The following ACBD3 variants were observed in gnomAD, a reference collection of about 807,000 sequenced individuals.
ACBD3 encodes Golgi resident protein GCP60.
In ACBD3, 30 loss-of-function variants were observed where a neutral mutation model predicts 66.9. The ratio of observed to expected loss-of-function variants is 0.45; its 90% CI spans 0.34 to 0.61. The LOEUF (loss-of-function observed/expected upper bound fraction) is 0.61. Among genes scored for constraint, ACBD3 ranks in the 20% least tolerant of loss-of-function variants. The pLI is 0.02. For missense variants in ACBD3, 544 were observed against 664.5 expected (o/e 0.82, Z 1.99); for synonymous variants, 278 against 259.8 (o/e 1.07, Z -0.68).
chr1:226,184,291 T>C (rs1422963635), intron 1 of ACBD3, among the ~76,000 whole-genome samples: 1 of 152,226 alleles, frequency 6.6e-6, no homozygotes, highest in Non-Finnish European at 1.5e-5. Context: ...TCAGTTAGTG[T>C]CTCATATACT....
chr1:226,165,327 C>A (rs941083806), intron 2 of ACBD3, among the ~76,000 whole-genome samples: 4 of 152,062 alleles, frequency 2.6e-5, no homozygotes, highest in Non-Finnish European at 4.4e-5. Flanking sequence ...TGTGCCACTA[C>A]CGCCGGCTAA....
chr1:226,162,592 C>T lies in ACBD3; in HGVS notation c.570-903G>A, dbSNP rs1001725266. ...TATTGTGCTAGGAATGGACATCTTC[C>T]GGGTCTGAGAGTGGTATGGTGTTCA... is the stretch of plus-strand genomic sequence containing the variant. On this transcript the variant is annotated intron_variant, in intron 3 of 7. Coordinates refer to ENST00000366812, the MANE Select transcript of ACBD3 (RefSeq NM_022735.4). Among the ~76,000 whole-genome samples, 20 of 152,188 alleles carry T rather than the reference C, an allele frequency of 1.3e-4. No individual in the cohort carries two copies. The East Asian group carries it at 2.9e-3, about 22-fold the overall frequency.
At chr1:226,155,719 GA>G (rs1188861204) in intron 5 of ACBD3, among the ~76,000 whole-genome samples, 1 of 152,070 alleles carries the variant, frequency 6.6e-6, no homozygotes, top group African/African-American at 2.4e-5. Flanking sequence ...AAACTTCAGG[GA>G]AAAATTATGA....
At chr1:226,158,378 G>A (rs991282159) in intron 5 of ACBD3, among the ~76,000 whole-genome samples, 1 of 152,164 alleles carries the variant, frequency 6.6e-6, no homozygotes, top group Admixed American at 6.5e-5. Flanking sequence ...GCCTGCACAA[G>A]ATGTAAAAAA....
intron 1 of ACBD3, among the ~76,000 whole-genome samples, chr1:226,179,152 C>G (rs1558131900): frequency 6.6e-6 from 1 of 152,174 alleles, no homozygotes; most frequent in East Asian, 1.9e-4. Context: ...CTTTTGAAAT[C>G]TGTTTTGTTA....
At chr1:226,166,584 T>TA (rs1365980287) in intron 1 of ACBD3, among the ~76,000 whole-genome samples, 1 of 150,622 alleles carries the variant, frequency 6.6e-6, no homozygotes, top group Non-Finnish European at 1.5e-5. Context: ...CTGCTGAGCT[T>TA]AAGTGATCCT....
At chr1:226,185,647 A>C (rs1371730414) in intron 1 of ACBD3, among the ~76,000 whole-genome samples, 1 of 152,016 alleles carries the variant, frequency 6.6e-6, no homozygotes, top group Non-Finnish European at 1.5e-5. Flanking sequence ...GCACACTACA[A>C]TCTTGCTCTA....
At chr1:226,177,064 C>A (rs1357171897) in intron 1 of ACBD3, among the ~76,000 whole-genome samples, 1 of 151,786 alleles carries the variant, frequency 6.6e-6, no homozygotes, top group African/African-American at 2.4e-5. Flanking sequence ...GAAACACCCA[C>A]AATATTCCTG....
At chr1:226,177,955 G>A (rs994724747) in intron 1 of ACBD3, among the ~76,000 whole-genome samples, 14 of 150,984 alleles carry the variant, frequency 9.3e-5, no homozygotes, top group Middle Eastern at 3.2e-3. Context: ...CCCATATTGC[G>A]CAGGCTGGTC....
In ACBD3 at chr1:226,176,359, G is replaced by A. The variant is rs1193346225; in HGVS notation, c.286+10031C>T. On this transcript the variant is annotated intron_variant, in intron 1 of 7. Transcript: ENST00000366812. ...AGAACTGCTTGAACCGGGACTGGGA[G>A]GCAGAGGTTGCAGTGACTCAAGATC... 2.7e-5 allele frequency among the ~76,000 whole-genome samples: 4 copies of A among 149,752 alleles called. No homozygotes were observed. In the Admixed American group the frequency reaches 2.7e-4, roughly 10 times the overall value.
At chr1:226,185,880 G>T (rs1211639445) in intron 1 of ACBD3, among the ~76,000 whole-genome samples, 3 of 152,132 alleles carry the variant, frequency 2.0e-5, no homozygotes, top group African/African-American at 7.2e-5. Context: ...TCTGCCGGGG[G>T]ATCAAGTCCT....
At chr1:226,148,756 CA>C (rs1659505708) in intron 7 of ACBD3, among the ~76,000 whole-genome samples, 1 of 152,070 alleles carries the variant, frequency 6.6e-6, no homozygotes, top group South Asian at 2.1e-4. Context: ...AACCAAAACC[CA>C]AAAAACTCAG....
Position 226,186,596 on chromosome 1 carries a change from G to T in ACBD3, c.80C>A (p.Pro27His), listed in dbSNP as rs1260299161. The change falls in exon 1 of 8, where the codon CCT becomes CAT. Residue 27 changes from proline (P) to histidine (H), a missense_variant. Around this residue, in one of 3 missense-constraint regions of ACBD3, gnomAD observed 137 missense variants for 145.9 expected, o/e 0.94. Transcript: ENST00000366812. ...CAGCAGCGGGGCGCCCTCCGCCCCA[G>T]GCCGCTCCTCCGGGTCCGGGCTGAG... ...LTLSPDPEER[P>H]GAEGAPLLPP... 7.7e-6 allele frequency: 11 copies of T among 1,432,354 alleles called. No homozygotes were observed. The highest frequency in any genetic ancestry group is 1.0e-5 in the Non-Finnish European group (11 of 1,095,356). The allele number at this position is 1,432,354 out of a possible 1,614,324, so 88.7% of individuals were successfully genotyped here. A position where few individuals can be genotyped will look rare whatever the true frequency, so the allele number is the denominator to read the frequency against.
Position 226,164,827 on chromosome 1 carries a change from C to T in ACBD3, c.531G>A (p.Ala177=), listed in dbSNP as rs569452390. Residue 177 remains alanine (A), a synonymous_variant, in exon 3 of 8, where the codon GCG becomes GCA. Coordinates refer to ENST00000366812, the MANE Select transcript of ACBD3 (RefSeq NM_022735.4). ...RCCHLFSTYV[A]SHKIEKEEQE... ...GCTCTTCCTTCTCTATTTTGTGGGA[C>T]GCAACATATGTTGAAAAGAGATGGC... The T allele has an allele frequency of 1.7e-5, 27 of 1,610,016 alleles. No homozygotes were observed. Among genetic ancestry groups the T allele is most frequent in the African/African-American group, 2.7e-5 (2 of 74,944 alleles).
intron 1 of ACBD3, among the ~76,000 whole-genome samples, chr1:226,174,230 G>A (rs1219609480): frequency 2.6e-5 from 4 of 152,098 alleles, no homozygotes; most frequent in Non-Finnish European, 5.9e-5. Flanking sequence ...AGTCCTCCCA[G>A]AAGGGAACAC....
chr1:226,171,855 T>G (rs1250012276), intron 1 of ACBD3, among the ~76,000 whole-genome samples: 1 of 151,808 alleles, frequency 6.6e-6, no homozygotes, highest in Non-Finnish European at 1.5e-5. Context: ...TAAATGTGTT[T>G]TTAAAAAGAA....
chr1:226,166,815 A>G (rs1324111305), intron 1 of ACBD3, among the ~76,000 whole-genome samples: 1 of 152,054 alleles, frequency 6.6e-6, no homozygotes, highest in African/African-American at 2.4e-5. Flanking sequence ...TAAGCCAACT[A>G]TCAATACTTA....
At chr1:226,179,386 G>A (rs538406368) in intron 1 of ACBD3, among the ~76,000 whole-genome samples, 1 of 151,986 alleles carries the variant, frequency 6.6e-6, no homozygotes, top group Non-Finnish European at 1.5e-5. Context: ...CAGTATCCAC[G>A]GCTTGTTTGA....
rs1558121317 is a variant in ACBD3, at chr1:226,145,563, T to C, written c.*1047A>G. On this transcript the variant is annotated 3_prime_UTR_variant, in exon 8 of 8. Coordinates refer to ENST00000366812, the MANE Select transcript of ACBD3 (RefSeq NM_022735.4). ...AATAACACAAATTAAAGCTATAAAA[T>C]TTAAGCATGGGCATATGTATTTCCA... 6.6e-6 allele frequency: 1 copy of C among 152,602 alleles called. No individual in the cohort carries two copies. Among genetic ancestry groups the C allele is most frequent in the Non-Finnish European group, 1.5e-5 (1 of 68,004 alleles). The allele number at this position is 152,602 out of a possible 1,614,324, so 9.5% of individuals were successfully genotyped here.
Sources: allele counts gnomAD v4.1 joint callset (sites outside exome capture counted in the v4.1 genomes callset), GRCh38; gene constraint gnomAD v4.1.1; regional missense constraint gnomAD v4.1.1; transcripts MANE v1.5; gene names NCBI Gene and HGNC (gene_info 2026-07-23, HGNC 2026-07-21).